The following HSD17B12 variants were observed in gnomAD, a reference collection of about 807,000 sequenced individuals.
HSD17B12 encodes hydroxysteroid 17-beta dehydrogenase 12.
In HSD17B12, 32 loss-of-function variants were observed where a neutral mutation model predicts 39.3. That is an observed-to-expected ratio of 0.81 (90% confidence interval 0.61 to 1.09). HSD17B12 has a LOEUF of 1.09. Among genes scored for constraint, HSD17B12 ranks in the 50% least tolerant of loss-of-function variants. HSD17B12 has a pLI of 0.00. For missense variants in HSD17B12, 342 were observed against 382.9 expected, an observed-to-expected ratio of 0.89 and a Z score of 0.89; for synonymous variants, 150 against 146.7, an observed-to-expected ratio of 1.02 and a Z score of -0.16.
intron 4 of HSD17B12, 151 bp from the exon 5 acceptor site, chr11:43,815,286 C>A: frequency 2.3e-6 from 1 of 435,892 alleles, no homozygotes. Context: ...AGATTTTGGA[C>A]AGAAAGGTGT....
intron 3 of HSD17B12, among the ~76,000 whole-genome samples, chr11:43,768,740 C>G (rs1420635129): frequency 1.3e-5 from 2 of 152,158 alleles, no homozygotes; most frequent in Non-Finnish European, 2.9e-5. Context: ...ACAAACATTC[C>G]ACAGCACAGA....
chr11:43,580,066 TGGGGGGG>T, the HSD17B12 span, among the ~76,000 whole-genome samples: 1 of 119,960 alleles, frequency 8.3e-6, no homozygotes. Context: ...TAGGTACTAA[TGGGGGGG>T]GGGAGGGGCA....
At chr11:43,792,007 C>G (rs950071320) in intron 3 of HSD17B12, among the ~76,000 whole-genome samples, 3 of 152,218 alleles carry the variant, frequency 2.0e-5, no homozygotes. Context: ...TGTGGCATCT[C>G]TGCTCATTGT....
At chr11:43,664,059 A>T in the HSD17B12 span, among the ~76,000 whole-genome samples, 1 of 151,946 alleles carries the variant, frequency 6.6e-6, no homozygotes, top group African/African-American at 2.4e-5. Context: ...CATATTGGTC[A>T]GGCTGGTCTC....
At chr11:43,823,732 T>G (rs984393595) in intron 6 of HSD17B12, among the ~76,000 whole-genome samples, 3 of 152,008 alleles carry the variant, frequency 2.0e-5, no homozygotes, top group African/African-American at 7.3e-5. Context: ...TTCTAAGAAA[T>G]AATAATAAAT....
chr11:43,652,884 T>C, the HSD17B12 span, among the ~76,000 whole-genome samples: 1 of 152,110 alleles, frequency 6.6e-6, no homozygotes, highest in Non-Finnish European at 1.5e-5. Flanking sequence ...AAAAAGAGTA[T>C]GATCTAATAC....
intron 3 of HSD17B12, among the ~76,000 whole-genome samples, chr11:43,796,123 G>C (rs1950913789): frequency 6.6e-6 from 1 of 152,170 alleles, no homozygotes; most frequent in Non-Finnish European, 1.5e-5. Flanking sequence ...GCAACGGGGA[G>C]AGTAGTTGGA....
the HSD17B12 span, among the ~76,000 whole-genome samples, chr11:43,567,908 G>C: frequency 1.3e-5 from 2 of 152,086 alleles, no homozygotes; most frequent in African/African-American, 4.8e-5. Flanking sequence ...GACCCCCTTA[G>C]TGACCCTCAT....
chr11:43,680,421 T>C, upstream of HSD17B12: 1 of 222,918 alleles, frequency 4.5e-6, no homozygotes. Context: ...GCTTCTCTGA[T>C]CCCATTTCCT....
intron 4 of HSD17B12, among the ~76,000 whole-genome samples, chr11:43,809,146 A>T (rs1951045966): frequency 6.6e-6 from 1 of 152,238 alleles, no homozygotes; most frequent in African/African-American, 2.4e-5. Flanking sequence ...GGCACAAAAC[A>T]GGAGTTTGAT....
the HSD17B12 span, chr11:43,673,435 T>C: frequency 6.5e-6 from 1 of 154,098 alleles, no homozygotes; most frequent in South Asian, 2.0e-4. Context: ...AAAATATTTC[T>C]AGAGACTCTT....
At chr11:43,690,974 G>T (rs921842334) in intron 1 of HSD17B12, among the ~76,000 whole-genome samples, 4 of 152,170 alleles carry the variant, frequency 2.6e-5, no homozygotes, top group Non-Finnish European at 4.4e-5. Context: ...TTATCCACAT[G>T]CATCTTTTCC....
chr11:43,846,974 A>G (rs1951482016), intron 9 of HSD17B12, among the ~76,000 whole-genome samples: 1 of 152,254 alleles, frequency 6.6e-6, no homozygotes, highest in African/African-American at 2.4e-5. Context: ...ATTTACATTT[A>G]TTGGGAGGGA....
chr11:43,665,494 C>T, the HSD17B12 span, among the ~76,000 whole-genome samples: 3 of 152,156 alleles, frequency 2.0e-5, no homozygotes, highest in South Asian at 2.1e-4. Context: ...GATGGGGTTA[C>T]AGGAGTGAGC....
chr11:43,780,443 C>T (rs1216245323), intron 3 of HSD17B12, among the ~76,000 whole-genome samples: 1 of 152,188 alleles, frequency 6.6e-6, no homozygotes, highest in Non-Finnish European at 1.5e-5. Flanking sequence ...GCTGGGATTA[C>T]AGGTGTGAGC....
chr11:43,757,661 A>AAACAAAACAAAAC (rs1590274243), intron 3 of HSD17B12, among the ~76,000 whole-genome samples: 1 of 143,912 alleles, frequency 6.9e-6, no homozygotes, highest in East Asian at 2.0e-4. Flanking sequence ...AAAAAAAAAA[A>AAACAAAACAAAAC]AAAAAACAAA....
chr11:43,695,626 G>A (rs1949904084), intron 1 of HSD17B12, among the ~76,000 whole-genome samples: 1 of 152,116 alleles, frequency 6.6e-6, no homozygotes. Flanking sequence ...ATCTTTTAAT[G>A]ATGATTCTTA....
rs1448263266 is a variant in HSD17B12 at position 43,690,379 on chromosome 11, TATATATATATATATA to T, written c.160+9393_160+9407del. On this transcript the variant is annotated intron_variant, in intron 1 of 10. Transcript: ENST00000278353. ...ATTCATACATATATATATATATATA[TATATATATATATATA>T]TATATATATATTTTTTTTTTTTTTT... Among the ~76,000 whole-genome samples the T allele has an allele frequency of 1.9e-3, 24 of 12,868 alleles. 1 individual carries two copies. The highest frequency in any genetic ancestry group is 4.3e-3 in the South Asian group (2 of 468). 8.4% of individuals were successfully genotyped at this position (12,868 alleles called of 152,430 possible).
At chr11:43,803,488 C>T (rs1518815) in intron 4 of HSD17B12, among the ~76,000 whole-genome samples, 96,783 of 152,038 alleles carry the variant, frequency 0.64, 31,235 homozygotes, top group East Asian at 0.7. Context: ...TTTTTTCTAC[C>T]AAGTTTTAAT....
Sources: gnomAD v4.1 joint callset for allele counts (sites outside exome capture counted in the v4.1 genomes callset) on GRCh38, gnomAD v4.1.1 for gene constraint, MANE v1.5 for transcripts, NCBI Gene and HGNC (gene_info 2026-07-23, HGNC 2026-07-21) for gene names.